Variants in SNX18 observed in about 807,000 individuals in gnomAD.
The protein encoded by SNX18 is sorting nexin-18.
Under a neutral mutation model 48.7 loss-of-function variants are expected in SNX18, and 35 were observed. The observed-to-expected ratio is 0.72, with a 90% CI of 0.55 to 0.95. The LOEUF is 0.95. SNX18 is among the 40% of genes least tolerant of loss of function. The pLI is 0.00. For synonymous variants in SNX18, 492 were observed against 384.7 expected, an observed-to-expected ratio of 1.28 and a Z score of -3.26; for missense variants, 824 against 871.0, an observed-to-expected ratio of 0.95 and a Z score of 0.68.
the SNX18 span, among the ~76,000 whole-genome samples, chr5:54,597,019 G>T: frequency 6.6e-6 from 1 of 152,156 alleles, no homozygotes; most frequent in South Asian, 2.1e-4. Context: ...CATCTCACAT[G>T]CAAGGGCACA....
chr5:54,632,862 C>T, the SNX18 span, among the ~76,000 whole-genome samples: 2 of 152,118 alleles, frequency 1.3e-5, no homozygotes, highest in Admixed American at 6.5e-5. Flanking sequence ...CAACCTCTGC[C>T]TCCCGGGGTT....
At chr5:54,598,265 G>T in the SNX18 span, among the ~76,000 whole-genome samples, 1 of 151,990 alleles carries the variant, frequency 6.6e-6, no homozygotes, top group Non-Finnish European at 1.5e-5. Flanking sequence ...AAAGCCCAGG[G>T]CCAGATGGAT....
chr5:54,582,904 A>C, the SNX18 span, among the ~76,000 whole-genome samples: 3 of 152,224 alleles, frequency 2.0e-5, no homozygotes, highest in Non-Finnish European at 2.9e-5. Flanking sequence ...TAAGTGTGTT[A>C]AATCAAATCC....
chr5:54,517,810 G>A lies in SNX18; in HGVS notation c.-143G>A, dbSNP rs544011535. 4 of 826,274 alleles carry A rather than the reference G, an allele frequency of 4.8e-6. No individual in the cohort carries two copies. In the East Asian group the frequency reaches 1.4e-4, roughly 29 times the overall value. 51.2% of individuals were successfully genotyped at this position (826,274 alleles called of 1,614,324 possible). On this transcript the variant is annotated 5_prime_UTR_variant, in exon 1 of 2. Coordinates refer to ENST00000381410, the MANE Select transcript of SNX18 (RefSeq NM_001102575.2). ...GCGAGCGGAGCCGCGCGGAGGGCGC[G>A]ACCGGCTGGTCCGGGCAGCGTGGGT... is the stretch of plus-strand genomic sequence containing the variant.
chr5:54,639,839 A>C, the SNX18 span, among the ~76,000 whole-genome samples: 9 of 152,178 alleles, frequency 5.9e-5, no homozygotes, highest in African/African-American at 2.2e-4. Flanking sequence ...TAGGCTGACC[A>C]AGGAGGTTAT....
chr5:54,537,279 G>A (rs961681733), intron 1 of SNX18, among the ~76,000 whole-genome samples: 3 of 152,130 alleles, frequency 2.0e-5, no homozygotes, highest in Admixed American at 6.5e-5. Flanking sequence ...AATTGGAAAC[G>A]GTACTACTTA....
At chr5:54,592,500 G>A in the SNX18 span, among the ~76,000 whole-genome samples, 6 of 152,158 alleles carry the variant, frequency 3.9e-5, no homozygotes, top group Non-Finnish European at 7.3e-5. Context: ...CTGGACCCAC[G>A]GACACTTTCA....
chr5:54,602,549 T>A, the SNX18 span, among the ~76,000 whole-genome samples: 1 of 152,068 alleles, frequency 6.6e-6, no homozygotes, highest in Non-Finnish European at 1.5e-5. Context: ...AACTTCAGGG[T>A]GGACTTCCCT....
chr5:54,550,190 G>A (rs1762629573), downstream of SNX18, among the ~76,000 whole-genome samples: 1 of 152,168 alleles, frequency 6.6e-6, no homozygotes, highest in Admixed American at 6.5e-5. Flanking sequence ...TTCACATATG[G>A]CTATAACCTC....
chr5:54,588,306 CTTTTTTTTTTTTTTTTTTTTTTTTTT>C, the SNX18 span, among the ~76,000 whole-genome samples: 1 of 73,910 alleles, frequency 1.4e-5, no homozygotes, highest in Non-Finnish European at 2.5e-5. Context: ...TATTTCTATT[CTTTTTTTTTTTTTTTTTTTTTTTTTT>C]TTTTTTTTTT....
the SNX18 span, among the ~76,000 whole-genome samples, chr5:54,606,275 A>G: frequency 6.6e-6 from 1 of 152,236 alleles, no homozygotes; most frequent in African/African-American, 2.4e-5. Context: ...ACATCCCTGT[A>G]TAAATGGTTA....
the SNX18 span, among the ~76,000 whole-genome samples, chr5:54,599,526 C>T: frequency 3.3e-5 from 5 of 152,070 alleles, no homozygotes; most frequent in Non-Finnish European, 1.5e-5. Flanking sequence ...ATAGCCAAGT[C>T]AATTCTAAAG....
the SNX18 span, among the ~76,000 whole-genome samples, chr5:54,557,670 T>C: frequency 6.6e-6 from 1 of 152,196 alleles, no homozygotes; most frequent in Non-Finnish European, 1.5e-5. Context: ...GAGTTTCAGT[T>C]TTGTAAGATG....
intron 1 of SNX18, among the ~76,000 whole-genome samples, chr5:54,525,973 C>T (rs550309937): frequency 6.6e-6 from 1 of 152,126 alleles, no homozygotes; most frequent in African/African-American, 2.4e-5. Context: ...CTAGGAACTT[C>T]GAATGTAAAA....
intron 1 of SNX18, 90 bp downstream of exon 1, chr5:54,519,663 G>T (rs765164796): frequency 6.2e-7 from 1 of 1,614,220 alleles, no homozygotes. Flanking sequence ...GTGGGTTTCA[G>T]AATCATATTC....
intron 1 of SNX18, among the ~76,000 whole-genome samples, chr5:54,534,436 G>A (rs940887025): frequency 6.6e-6 from 1 of 152,036 alleles, no homozygotes. Flanking sequence ...AAGCCCTGTG[G>A]GGACCTGAGT....
chr5:54,640,355 A>C, the SNX18 span, among the ~76,000 whole-genome samples: 1 of 151,842 alleles, frequency 6.6e-6, no homozygotes, highest in Admixed American at 6.6e-5. Context: ...CTGGGACTAC[A>C]GGTATGTGCC....
chr5:54,575,028 C>A, the SNX18 span, among the ~76,000 whole-genome samples: 1 of 152,220 alleles, frequency 6.6e-6, no homozygotes, highest in Non-Finnish European at 1.5e-5. Context: ...ACTCTTGTTG[C>A]ACCTTGCCAC....
the SNX18 span, among the ~76,000 whole-genome samples, chr5:54,615,006 C>T: frequency 6.6e-6 from 1 of 152,172 alleles, no homozygotes; most frequent in African/African-American, 2.4e-5. Context: ...TCCAACTCAC[C>T]CAACCAGTAC....
Sources: gnomAD v4.1 joint callset for allele counts (sites outside exome capture counted in the v4.1 genomes callset) on GRCh38, gnomAD v4.1.1 for gene constraint, MANE v1.5 for transcripts, NCBI Gene and HGNC (gene_info 2026-07-23, HGNC 2026-07-21) for gene names.